The following ARID4B variants were observed in gnomAD, a reference collection of about 807,000 sequenced individuals.
ARID4B encodes AT-rich interaction domain 4B, also known as AT-rich interactive domain-containing protein 4B.
ARID4B carries 26 observed loss-of-function variants against 147.5 expected under a neutral mutation model. The ratio of observed to expected loss-of-function variants is 0.18; its 90% confidence interval spans 0.13 to 0.24. The LOEUF is 0.24. Ranked by LOEUF, ARID4B falls within the 10% of genes least tolerant of loss-of-function variation. ARID4B has a pLI of 1.00. For synonymous variants in ARID4B, 512 were observed against 507.9 expected (o/e 1.01, Z -0.11); for missense variants, 1,179 against 1,511.5 (o/e 0.78, Z 3.65).
At chr1:235,297,819 C>T (rs1672849915) in intron 2 of ARID4B, among the ~76,000 whole-genome samples, 1 of 152,136 alleles carries the variant, frequency 6.6e-6, no homozygotes, top group South Asian at 2.1e-4. Flanking sequence ...GGAAATTCTA[C>T]AGGTTAAATA....
intron 16 of ARID4B, among the ~76,000 whole-genome samples, chr1:235,215,565 GTGTGTGTGTGTGTGTA>G (rs1319670988): frequency 6.8e-6 from 1 of 147,300 alleles, no homozygotes; most frequent in East Asian, 2.0e-4. Flanking sequence ...GTGTGTGTGT[GTGTGTGTGTGTGTGTA>G]TATATTTTTC....
At chr1:235,301,100 G>A (rs1673105770) in intron 2 of ARID4B, among the ~76,000 whole-genome samples, 1 of 138,854 alleles carries the variant, frequency 7.2e-6, no homozygotes, top group Non-Finnish European at 1.5e-5. Flanking sequence ...TTCCCAGGCT[G>A]GTTTTGAATT....
intron 7 of ARID4B, among the ~76,000 whole-genome samples, chr1:235,244,236 C>CT (rs1669161053): frequency 6.6e-6 from 1 of 152,124 alleles, no homozygotes; most frequent in Non-Finnish European, 1.5e-5. Context: ...TATGCTTTAT[C>CT]TTTTTTCTGA....
chr1:235,176,177 G>A (rs1205741639), intron 21 of ARID4B, among the ~76,000 whole-genome samples: 3 of 151,902 alleles, frequency 2.0e-5, no homozygotes, highest in Non-Finnish European at 2.9e-5. Flanking sequence ...TCTCTTGAAT[G>A]GTTAACTCAT....
At chr1:235,230,617 C>A (rs6657650) in intron 10 of ARID4B, among the ~76,000 whole-genome samples, 70,381 of 115,102 alleles carry the variant, frequency 0.61, 20,267 homozygotes, top group East Asian at 0.79. Context: ...AAAAAAAAAA[C>A]CAGAAAAAAA....
rs575727518 is a variant in ARID4B at position 235,236,701 on chromosome 1, T to C, written c.586-2209A>G. On this transcript the variant is annotated intron_variant, in intron 8 of 23. Coordinates refer to ENST00000264183, the MANE Select transcript of ARID4B (RefSeq NM_016374.6). ...GCTAATTTTTGTATTTTAGTAAAGATAGGGTTTCACCATGTTGGCCAGGCT... is the reference window on the plus strand; with the variant it reads ...GCTAATTTTTGTATTTTAGTAAAGACAGGGTTTCACCATGTTGGCCAGGCT... Among the ~76,000 whole-genome samples the C allele has an allele frequency of 5.9e-4, 88 of 149,720 alleles. 1 individual carries two copies. The highest frequency in any genetic ancestry group is 3.6e-3 in the East Asian group (18 of 5,052).
In ARID4B at chr1:235,177,880, T is replaced by G. The variant is rs1390982935; in HGVS notation, c.3368A>C (p.Gln1123Pro). The change falls in exon 21 of 24, where the codon CAG becomes CCG. Residue 1123 changes from glutamine (Q) to proline (P), a missense_variant. Transcript: ENST00000264183. ...CTTTTTTGATGAACTTCCTCCTCCC[T>G]GAGCATCTTTCACTCTTTTCTGACC... ...CTGQKRVKDA[Q>P]GGGSSSKKQK... 6.2e-7 allele frequency: 1 copy of G among 1,611,136 alleles called. No individual in the cohort carries two copies. The highest frequency in any genetic ancestry group is 2.2e-5 in the East Asian group (1 of 44,706).
intron 2 of ARID4B, among the ~76,000 whole-genome samples, chr1:235,263,979 G>A (rs1238125249): frequency 2.6e-5 from 4 of 151,758 alleles, no homozygotes; most frequent in Admixed American, 1.3e-4. Context: ...GGGTGACAGA[G>A]CGAGACTCCA....
chr1:235,236,860 ATATTTTTTT>A (rs1382049890), intron 8 of ARID4B, among the ~76,000 whole-genome samples: 2 of 20,422 alleles, frequency 9.8e-5, no homozygotes, highest in African/African-American at 1.4e-4. Flanking sequence ...ATATATATAT[ATATTTTTTT>A]TTTTTTTTTT....
Position 235,324,805 on chromosome 1 carries a change from T to C in ARID4B, c.6+2109A>G, listed in dbSNP as rs1296731247. 2.6e-5 allele frequency among the ~76,000 whole-genome samples: 4 copies of C among 152,120 alleles called. No homozygotes were observed. In the East Asian group the frequency reaches 7.7e-4, roughly 29 times the overall value. On this transcript the variant is annotated intron_variant, in intron 2 of 23. Coordinates refer to ENST00000264183, the MANE Select transcript of ARID4B (RefSeq NM_016374.6). ...TACAAAAATTAGCCAGGTGTGCCTG[T>C]AGTCCCAGCTACTCAGGAGGCTGAG... is the stretch of plus-strand genomic sequence containing the variant.
chr1:235,220,051 G>A (rs1351926005), intron 15 of ARID4B, 83 bp from the exon 16 acceptor site: 5 of 910,726 alleles, frequency 5.5e-6, no homozygotes, highest in East Asian at 6.1e-5. Flanking sequence ...GCAACAGGAG[G>A]TATCAACCAA....
intron 17 of ARID4B, among the ~76,000 whole-genome samples, chr1:235,205,113 G>A (rs188747225): frequency 4.4e-4 from 67 of 151,868 alleles, no homozygotes; most frequent in African/African-American, 1.5e-3. Context: ...ATCATTACCA[G>A]GACAATTATT....
chr1:235,179,084 C>T (rs1664093964), intron 20 of ARID4B, among the ~76,000 whole-genome samples: 1 of 151,832 alleles, frequency 6.6e-6, no homozygotes, highest in Admixed American at 6.6e-5. Context: ...TGTTCAGATA[C>T]TAAGAAATAA....
At position 235,268,610 on chromosome 1, in the gene ARID4B, C is replaced by A. The variant is rs145696849; in HGVS notation, c.7-7858G>T. Among the ~76,000 whole-genome samples the A allele has an allele frequency of 2.6e-4, 40 of 152,130 alleles. No homozygotes were observed. The East Asian group carries it at 4.1e-3, about 15-fold the overall frequency. ...ATGGTGTGATATCGGCTCACTGTAA[C>A]CTCTGCCTCCCAGGTTCAAGCAATT... is the stretch of plus-strand genomic sequence containing the variant. On this transcript the variant is annotated intron_variant, in intron 2 of 23. Coordinates refer to ENST00000264183, the MANE Select transcript of ARID4B (RefSeq NM_016374.6).
At chr1:235,228,957 T>C (rs190541144) in intron 11 of ARID4B, 119 of 326,892 alleles carry the variant, frequency 3.6e-4, no homozygotes, top group African/African-American at 2.4e-3. Flanking sequence ...GTGGATACTT[T>C]CTTAATCATC....
chr1:235,314,563 C>T (rs1193433112), intron 2 of ARID4B, among the ~76,000 whole-genome samples: 4 of 152,084 alleles, frequency 2.6e-5, no homozygotes, highest in Non-Finnish European at 4.4e-5. Flanking sequence ...TAAACAAAGA[C>T]AGTTTTCACA....
intron 2 of ARID4B, among the ~76,000 whole-genome samples, chr1:235,278,274 A>G (rs1671463888): frequency 6.6e-6 from 1 of 152,228 alleles, no homozygotes; most frequent in East Asian, 1.9e-4. Flanking sequence ...AGGGATCTCA[A>G]TGCACATGCA....
intron 6 of ARID4B, among the ~76,000 whole-genome samples, chr1:235,251,161 G>A (rs1300171931): frequency 6.6e-6 from 1 of 151,326 alleles, no homozygotes; most frequent in Non-Finnish European, 1.5e-5. Context: ...ATCAAGTGAG[G>A]AAAGAAAGGA....
In ARID4B at chr1:235,174,862, T is replaced by C. The variant is rs181683675; in HGVS notation, c.3664+322A>G. Among the ~76,000 whole-genome samples, 400 of 151,170 alleles carry C rather than the reference T, an allele frequency of 2.6e-3. 1 individual carries two copies. The highest frequency in any genetic ancestry group is 9.3e-3 in the African/African-American group (382 of 41,076). Reference sequence around the variant, plus strand: ...GGCTCATGCCTGTAATCCCAGCACTTTGGGAGGCCGAGGCGGGCGGATCAT... The same window carrying C: ...GGCTCATGCCTGTAATCCCAGCACTCTGGGAGGCCGAGGCGGGCGGATCAT... On this transcript the variant is annotated intron_variant, in intron 22 of 23. Coordinates refer to ENST00000264183, the MANE Select transcript of ARID4B (RefSeq NM_016374.6).
Sources: gnomAD v4.1 joint callset for allele counts (sites outside exome capture counted in the v4.1 genomes callset) on GRCh38, gnomAD v4.1.1 for gene constraint, MANE v1.5 for transcripts, NCBI Gene and HGNC (gene_info 2026-07-23, HGNC 2026-07-21) for gene names.